The following MICAL2 variants were observed in gnomAD, a reference collection of about 807,000 sequenced individuals.
The protein encoded by MICAL2 is microtubule associated monooxygenase, calponin and LIM domain containing 2.
Under a neutral mutation model 127.3 loss-of-function variants are expected in MICAL2, and 77 were observed. The ratio of observed to expected loss-of-function variants is 0.60; its 90% CI spans 0.50 to 0.73. The LOEUF (loss-of-function observed/expected upper bound fraction) is 0.73. Among genes scored for constraint, MICAL2 ranks in the 30% least tolerant of loss-of-function variants. The pLI is 0.00. For synonymous variants in MICAL2, 570 were observed against 551.1 expected, an observed-to-expected ratio of 1.03 and a Z score of -0.48; for missense variants, 1,351 against 1,434.4, an observed-to-expected ratio of 0.94 and a Z score of 0.94.
At chr11:12,335,711 A>T (rs1447867953) in intron 32 of MICAL2, among the ~76,000 whole-genome samples, 1 of 152,184 alleles carries the variant, frequency 6.6e-6, no homozygotes, top group African/African-American at 2.4e-5. Flanking sequence ...TAAATAGGGA[A>T]TCCTTTCCCC....
At chr11:12,276,188 A>T in intron 1 of MICAL2, 1 of 398,572 alleles carries the variant, frequency 2.5e-6, no homozygotes, top group Non-Finnish European at 4.4e-6. Context: ...CTGCTGCCAG[A>T]TGGGGACAGA....
At chr11:12,319,689 A>G (rs903918924) in intron 29 of MICAL2, 1 of 1,603,698 alleles carries the variant, frequency 6.2e-7, no homozygotes, top group Non-Finnish European at 8.5e-7. Context: ...TTCTGTTCCC[A>G]TTTCAGACTC....
chr11:12,284,719 A>C (rs1036127503), intron 2 of MICAL2, among the ~76,000 whole-genome samples: 1 of 152,194 alleles, frequency 6.6e-6, no homozygotes, highest in Non-Finnish European at 1.5e-5. Flanking sequence ...GAAAACATCC[A>C]GCCTGGAAAG....
chr11:12,145,871 C>T (rs2133672803), intron 2 of MICAL2, among the ~76,000 whole-genome samples: 1 of 152,268 alleles, frequency 6.6e-6, no homozygotes, highest in East Asian at 1.9e-4. Flanking sequence ...CAGCAGACTA[C>T]TGAGAGCCAG....
In MICAL2 at chr11:12,261,484, C is replaced by T. The variant is rs1863103268; in HGVS notation, c.3335-996C>T. 13 of 985,392 alleles carry T rather than the reference C, an allele frequency of 1.3e-5. No individual in the cohort carries two copies. The South Asian group carries it at 5.6e-4, about 43-fold the overall frequency. 61.0% of individuals were successfully genotyped at this position (985,392 alleles called of 1,614,324 possible). On this transcript the variant is annotated intron_variant, in intron 26 of 27. Coordinates refer to ENST00000683283, the MANE Select transcript of MICAL2 (RefSeq NM_001282663.2). ...CTACTCCACGCTGCCTAGACATACACAGCTGCAGGGTCTGGCTGAACAATC... is the reference window on the plus strand; with the variant it reads ...CTACTCCACGCTGCCTAGACATACATAGCTGCAGGGTCTGGCTGAACAATC...
At position 12,239,699 on chromosome 11, in the gene MICAL2, T is replaced by G. The variant is rs1859598302; in HGVS notation, c.2214+114T>G. 3.1e-6 allele frequency: 4 copies of G among 1,272,800 alleles called. No homozygotes were observed. In the African/African-American group the frequency reaches 6.0e-5, roughly 19 times the overall value. The allele number at this position is 1,272,800 out of a possible 1,614,324, so 78.8% of individuals were successfully genotyped here. A position where few individuals can be genotyped will look rare whatever the true frequency, so the allele number is the denominator to read the frequency against. ...AGCCAGGCCTGGTCCCAAGGAGACTTGAGCTCCTTCTAGATCAGGAGTCAA... is the reference window on the plus strand; with the variant it reads ...AGCCAGGCCTGGTCCCAAGGAGACTGGAGCTCCTTCTAGATCAGGAGTCAA... On this transcript the variant is annotated intron_variant, in intron 17 of 27. Transcript: ENST00000683283.
At chr11:12,214,075 G>C (rs1855845470) in intron 7 of MICAL2, among the ~76,000 whole-genome samples, 1 of 152,088 alleles carries the variant, frequency 6.6e-6, no homozygotes, top group African/African-American at 2.4e-5. Flanking sequence ...GTCCCTCCTG[G>C]GCTTATATTC....
intron 25 of MICAL2, 63 bp from the exon 26 acceptor site, chr11:12,259,732 T>C: frequency 7.0e-7 from 1 of 1,426,656 alleles, no homozygotes. Context: ...GGCTGTTGGC[T>C]TTGTTGAAGT....
At chr11:12,168,715 TAACTC>T (rs1462769666) in intron 3 of MICAL2, among the ~76,000 whole-genome samples, 5 of 151,556 alleles carry the variant, frequency 3.3e-5, no homozygotes, top group African/African-American at 1.2e-4. Context: ...TGATAAAAAA[TAACTC>T]AAGTAGGGTA....
In MICAL2 at chr11:12,221,771, C is replaced by T; in HGVS notation, c.1322+12C>T. ...CTGCTGGCTGAAAGGTGAGCTTTGACAGTAGGGCTCCTAACTGGGGGGCAG... is the reference window on the plus strand; with the variant it reads ...CTGCTGGCTGAAAGGTGAGCTTTGATAGTAGGGCTCCTAACTGGGGGGCAG... On this transcript the variant is annotated intron_variant, in intron 10 of 27. Transcript: ENST00000683283. 1 of 1,606,732 alleles carries T rather than the reference C, an allele frequency of 6.2e-7. No individual in the cohort carries two copies.
At chr11:12,310,603 A>C (rs1565301623) in intron 29 of MICAL2, among the ~76,000 whole-genome samples, 1 of 152,186 alleles carries the variant, frequency 6.6e-6, no homozygotes. Context: ...AAATCAAGGA[A>C]TATGATGCCT....
intron 3 of MICAL2, among the ~76,000 whole-genome samples, chr11:12,166,756 G>A (rs570931363): frequency 6.6e-6 from 1 of 152,268 alleles, no homozygotes; most frequent in African/African-American, 2.4e-5. Context: ...TATGTACACT[G>A]GTCTGCAGGA....
At chr11:12,315,316 A>G (rs1422580110) in intron 29 of MICAL2, among the ~76,000 whole-genome samples, 1 of 152,224 alleles carries the variant, frequency 6.6e-6, no homozygotes, top group Non-Finnish European at 1.5e-5. Flanking sequence ...TAAACAAGGT[A>G]AAGCCATACA....
Position 12,281,785 on chromosome 11 carries a change from C to T in MICAL2, c.254+686C>T, listed in dbSNP as rs142906588. Among the ~76,000 whole-genome samples, 763 of 152,314 alleles carry T rather than the reference C, an allele frequency of 5.0e-3. 7 individuals carry two copies. The highest frequency in any genetic ancestry group is 4.9e-3 in the Non-Finnish European group (333 of 68,024). Reference sequence around the variant, plus strand: ...TGGTGCCACCCTCCAGCCACCACTGCCCAAGCTCTGGCTTACTAAGAGGTA... The same window carrying T: ...TGGTGCCACCCTCCAGCCACCACTGTCCAAGCTCTGGCTTACTAAGAGGTA... On this transcript the variant is annotated intron_variant, in intron 2 of 2. Transcript: ENST00000529028.
intron 30 of MICAL2, chr11:12,319,883 A>C: frequency 1.8e-6 from 2 of 1,103,118 alleles, no homozygotes; most frequent in Non-Finnish European, 2.8e-6. Context: ...TTCAGAACCA[A>C]TGTGGGCTCC....
chr11:12,160,779 C>G (rs1854690509), intron 2 of MICAL2, among the ~76,000 whole-genome samples: 1 of 152,368 alleles, frequency 6.6e-6, no homozygotes, highest in Admixed American at 6.5e-5. Flanking sequence ...ATCCATCTGC[C>G]CCTGTGGGCG....
At chr11:12,187,339 T>C (rs1858433968) in intron 3 of MICAL2, among the ~76,000 whole-genome samples, 1 of 152,262 alleles carries the variant, frequency 6.6e-6, no homozygotes, top group African/African-American at 2.4e-5. Flanking sequence ...GTGCTTCAGT[T>C]AATATTTTTT....
In MICAL2 at chr11:12,256,785, G is replaced by C. The variant is rs779030254; in HGVS notation, c.2956G>C (p.Glu986Gln). ...CCCACTCTTCTCTCCCGATCCCCAG[G>C]AATCTATGCGAAAGTCATTTCCCCT... ...PKAQATSPDLESMRKSFPLNL... is the reference protein window; with the variant it reads ...PKAQATSPDLQSMRKSFPLNL... The change falls in exon 24 of 28, where the codon GAA (glutamate) becomes CAA (glutamine). Residue 986 changes from glutamate (E) to glutamine (Q), a missense_variant and splice_region_variant. Glu to Gln is a conservative substitution (Grantham distance 29). Coordinates refer to ENST00000683283, the MANE Select transcript of MICAL2 (RefSeq NM_001282663.2). The C allele has an allele frequency of 1.9e-6, 3 of 1,608,894 alleles. No individual in the cohort carries two copies. The Admixed American group carries it at 5.0e-5, about 27-fold the overall frequency.
At chr11:12,322,604 G>A (rs1222863193) in intron 30 of MICAL2, among the ~76,000 whole-genome samples, 1 of 152,072 alleles carries the variant, frequency 6.6e-6, no homozygotes, top group African/African-American at 2.4e-5. Context: ...GAAATGTCTA[G>A]CATGCTCTAA....
Sources: allele counts gnomAD v4.1 joint callset (sites outside exome capture counted in the v4.1 genomes callset), GRCh38; gene constraint gnomAD v4.1.1; transcripts MANE v1.5; gene names NCBI Gene and HGNC (gene_info 2026-07-23, HGNC 2026-07-21).